Variants in TCF4 observed in about 807,000 individuals in gnomAD.
The protein encoded by TCF4 is transcription factor 4, also known as SL3-3 enhancer factor 2.
Under a neutral mutation model 82.1 loss-of-function variants are expected in TCF4, and 3 were observed. The ratio of observed to expected loss-of-function variants is 0.04; its 90% CI spans 0.02 to 0.09. The LOEUF (loss-of-function observed/expected upper bound fraction) is 0.09. TCF4 is among the 10% of genes least tolerant of loss of function. TCF4 has a pLI of 1.00. For synonymous variants in TCF4, 276 were observed against 309.6 expected (o/e 0.89, Z 1.14); for missense variants, 518 against 852.7 (o/e 0.61, Z 4.89).
Position 55,600,242 on chromosome 18 carries a change from G to A in TCF4, c.287-13106C>T, listed in dbSNP as rs141465007. ...TGTACCTAGGATACACCTATTACAT[G>A]CCTAGAATTGCTAGGTCACAGATAG... On this transcript the variant is annotated intron_variant, in intron 2 of 20. Transcript: ENST00000398339. 2.8e-3 allele frequency among the ~76,000 whole-genome samples: 428 copies of A among 152,218 alleles called. 2 individuals are homozygous for A. Among genetic ancestry groups the A allele is most frequent in the African/African-American group, 1.0e-2 (414 of 41,532 alleles).
chr18:55,311,212 A>C (rs1184321480), intron 8 of TCF4, among the ~76,000 whole-genome samples: 1 of 152,226 alleles, frequency 6.6e-6, no homozygotes, highest in Non-Finnish European at 1.5e-5. Context: ...AAACAAAAAA[A>C]TGTTATCCTC....
intron 3 of TCF4, among the ~76,000 whole-genome samples, chr18:55,525,974 C>T (rs924974724): frequency 6.6e-6 from 1 of 152,116 alleles, no homozygotes; most frequent in Admixed American, 6.5e-5. Context: ...CCATCAACAC[C>T]CTTGAGCTGC....
intron 3 of TCF4, among the ~76,000 whole-genome samples, chr18:55,565,891 T>A (rs1293013314): frequency 2.0e-5 from 3 of 151,802 alleles, no homozygotes; most frequent in Admixed American, 6.6e-5. Context: ...CACTCATAAG[T>A]GGGTGCTAAA....
At chr18:55,627,876 C>T (rs542147407) in intron 2 of TCF4, among the ~76,000 whole-genome samples, 3 of 151,910 alleles carry the variant, frequency 2.0e-5, no homozygotes, top group African/African-American at 4.8e-5. Flanking sequence ...CTGGCCAACA[C>T]GGTGAAACCC....
At chr18:55,243,278 A>G (rs1000562900) in intron 15 of TCF4, among the ~76,000 whole-genome samples, 1 of 152,222 alleles carries the variant, frequency 6.6e-6, no homozygotes, top group African/African-American at 2.4e-5. Flanking sequence ...GTCAGACTAC[A>G]TATTTCTGAC....
intron 2 of TCF4, among the ~76,000 whole-genome samples, chr18:55,621,328 C>T (rs2097717805): frequency 6.9e-6 from 1 of 145,960 alleles, no homozygotes; most frequent in Non-Finnish European, 1.5e-5. Context: ...AAATATTTAA[C>T]ATATCTTTTT....
In TCF4 at chr18:55,269,406, G is replaced by A. The variant is rs868378968; in HGVS notation, c.922+425C>T. On this transcript the variant is annotated intron_variant, in intron 11 of 19. Transcript: ENST00000354452. The stretch of plus-strand genomic sequence containing the variant: ...GAGAATTTCACATTAACCAGTCCTC[G>A]GAAGACAGTGGCACATCATGGATAA... 3.0e-4 allele frequency: 81 copies of A among 271,160 alleles called. No homozygotes were observed. In the South Asian group the frequency reaches 3.3e-3, roughly 11 times the overall value. The allele number at this position is 271,160 out of a possible 1,614,324, so 16.8% of individuals were successfully genotyped here. A position where few individuals can be genotyped will look rare whatever the true frequency, so the allele number is the denominator to read the frequency against.
intron 3 of TCF4, among the ~76,000 whole-genome samples, chr18:55,541,558 A>G (rs1398149062): frequency 2.0e-5 from 3 of 152,026 alleles, no homozygotes; most frequent in Non-Finnish European, 4.4e-5. Flanking sequence ...TATCCTAAGC[A>G]TATTTCTCTG....
intron 6 of TCF4, among the ~76,000 whole-genome samples, chr18:55,363,538 T>C (rs189648114): frequency 7.9e-5 from 12 of 152,294 alleles, no homozygotes; most frequent in Admixed American, 6.5e-4. Context: ...GCGTAGTAGC[T>C]CATGCCTGTA....
intron 3 of TCF4, among the ~76,000 whole-genome samples, chr18:55,518,569 G>A (rs1349167878): frequency 2.0e-5 from 3 of 152,092 alleles, no homozygotes; most frequent in Non-Finnish European, 4.4e-5. Flanking sequence ...AAGTATGTAA[G>A]CACTGAATAA....
chr18:55,622,491 G>A (rs535249891), intron 2 of TCF4, among the ~76,000 whole-genome samples: 93 of 142,528 alleles, frequency 6.5e-4, no homozygotes, highest in Non-Finnish European at 1.1e-3. Flanking sequence ...GCAACAGAGC[G>A]AGACTCAATC....
At chr18:55,581,685 C>T (rs1048173562) in intron 3 of TCF4, among the ~76,000 whole-genome samples, 1 of 151,972 alleles carries the variant, frequency 6.6e-6, no homozygotes, top group African/African-American at 2.4e-5. Context: ...ACCCACCGGA[C>T]TGATTTTTTT....
intron 6 of TCF4, among the ~76,000 whole-genome samples, chr18:55,374,177 T>C (rs2090116234): frequency 6.6e-6 from 1 of 151,900 alleles, no homozygotes; most frequent in Non-Finnish European, 1.5e-5. Flanking sequence ...TGAAAAATAA[T>C]GGCCTTAAAT....
chr18:55,333,826 T>G (rs1048219740), intron 8 of TCF4, among the ~76,000 whole-genome samples: 2 of 152,214 alleles, frequency 1.3e-5, no homozygotes, highest in Admixed American at 1.3e-4. Flanking sequence ...TCTCTGTTGT[T>G]GAGTTTGAAG....
chr18:55,618,973 T>TTC (rs2097714987), intron 2 of TCF4, among the ~76,000 whole-genome samples: 2 of 152,216 alleles, frequency 1.3e-5, no homozygotes, highest in South Asian at 4.1e-4. Flanking sequence ...TCTTTTTTTT[T>TTC]CTTGTAATGT....
At chr18:55,270,788 T>C (rs568500279) in intron 10 of TCF4, among the ~76,000 whole-genome samples, 1 of 152,138 alleles carries the variant, frequency 6.6e-6, no homozygotes, top group Admixed American at 6.6e-5. Flanking sequence ...AATCCACCCA[T>C]CTGCTTGGGA....
rs1272053360 is a variant in TCF4, at chr18:55,254,558, A to C, written c.1289T>G (p.Met430Arg). ...GIIGPSHNGA[M>R]GGLGSGYGTG... ...TCCATACCCTGAGCCCAGACCACCC[A>C]TGGCTCCATTATGAGAAGGTCCAAT... Residue 430 changes from methionine (M) to arginine (R), a missense_variant, in exon 15 of 20, where the codon ATG becomes AGG. Physicochemically the swap from Met to Arg is moderately conservative, Grantham distance 91. Coordinates refer to ENST00000354452, the MANE Select transcript of TCF4 (RefSeq NM_001083962.2). The C allele has an allele frequency of 1.2e-6, 2 of 1,613,704 alleles. No individual in the cohort carries two copies. Among genetic ancestry groups the C allele is most frequent in the African/African-American group, 2.7e-5 (2 of 74,914 alleles).
chr18:55,401,829 A>G, intron 6 of TCF4: 1 of 973,320 alleles, frequency 1.0e-6, no homozygotes, highest in African/African-American at 1.8e-5. Flanking sequence ...CTCAATGACC[A>G]GAAAAAGGGG....
intron 5 of TCF4, among the ~76,000 whole-genome samples, chr18:55,433,377 C>T (rs546642620): frequency 6.6e-6 from 1 of 152,358 alleles, no homozygotes; most frequent in Admixed American, 6.5e-5. Flanking sequence ...CTAGCAGCTA[C>T]TGTTCCCAGA....
Sources: gnomAD v4.1 joint callset for allele counts (sites outside exome capture counted in the v4.1 genomes callset) on GRCh38, gnomAD v4.1.1 for gene constraint, MANE v1.5 for transcripts, NCBI Gene and HGNC (gene_info 2026-07-23, HGNC 2026-07-21) for gene names.